CLCN5: variants seen among roughly 807,000 people sequenced by gnomAD.
CLCN5 encodes Cl-/H+ antiporter 5.
A neutral mutation model predicts 54.0 loss-of-function variants in CLCN5; 17 were observed. That is an observed-to-expected ratio of 0.31 (90% CI 0.22 to 0.47). The LOEUF (loss-of-function observed/expected upper bound fraction) is 0.47, where lower values mean the gene tolerates loss of function less well. Ranked by LOEUF, CLCN5 falls within the 20% of genes least tolerant of loss-of-function variation. CLCN5 has a pLI of 1.00. For synonymous variants in CLCN5, 222 were observed against 233.0 expected (o/e 0.95, Z 0.43); for missense variants, 448 against 646.7 (o/e 0.69, Z 3.33).
intron 7 of CLCN5, among the ~76,000 whole-genome samples, chrX:50,079,250 G>C (rs1933573855): frequency 9.0e-6 from 1 of 111,686 alleles, no homozygotes; most frequent in Non-Finnish European, 1.9e-5. Flanking sequence ...TAGCAATCAT[G>C]TGTTCCTCTG....
chrX:49,957,171 G>A (rs1927368746), intron 3 of CLCN5, among the ~76,000 whole-genome samples: 1 of 111,183 alleles, frequency 9.0e-6, no homozygotes, highest in Non-Finnish European at 1.9e-5. Context: ...GTGGTGGCAT[G>A]CTCCTGTAAT....
intron 8 of CLCN5, among the ~76,000 whole-genome samples, chrX:50,081,031 T>G (rs902179363): frequency 1.8e-5 from 2 of 111,553 alleles, no homozygotes; most frequent in Admixed American, 1.9e-4. Context: ...TATTGTCAGC[T>G]TTTTCAGGGC....
intron 6 of CLCN5, among the ~76,000 whole-genome samples, chrX:50,074,981 CAGTCTATT>C (rs1933350972): frequency 8.9e-6 from 1 of 112,073 alleles, no homozygotes; most frequent in African/African-American, 3.2e-5. Flanking sequence ...TTAACCCTAT[CAGTCTATT>C]AGCCACAGTG....
At chrX:49,983,633 A>C (rs1341487184) in intron 3 of CLCN5, among the ~76,000 whole-genome samples, 1 of 107,871 alleles carries the variant, frequency 9.3e-6, no homozygotes, top group African/African-American at 3.3e-5. Context: ...TATATGAGAT[A>C]TATTAAAATA....
intron 3 of CLCN5, among the ~76,000 whole-genome samples, chrX:49,998,188 T>A (rs1038557373): frequency 2.7e-5 from 3 of 111,199 alleles, no homozygotes; most frequent in African/African-American, 9.8e-5. Flanking sequence ...GATGATGAAA[T>A]GCAGGCATAG....
chrX:49,973,772 A>G (rs1557176600), intron 3 of CLCN5, among the ~76,000 whole-genome samples: 2 of 110,371 alleles, frequency 1.8e-5, no homozygotes, highest in African/African-American at 3.3e-5. Context: ...TCAGCCATGC[A>G]TTTTTAACTT....
intron 3 of CLCN5, among the ~76,000 whole-genome samples, chrX:50,032,669 T>A (rs1374203395): frequency 9.1e-6 from 1 of 109,364 alleles, no homozygotes; most frequent in Non-Finnish European, 1.9e-5. Context: ...ATTTTGTAGG[T>A]TGCCTGTTCA....
At chrX:50,033,511 A>T (rs1305926452) in intron 3 of CLCN5, among the ~76,000 whole-genome samples, 4 of 111,757 alleles carry the variant, frequency 3.6e-5, no homozygotes, top group African/African-American at 1.3e-4. Flanking sequence ...GCTCAATGAA[A>T]TAAAAGAGGA....
intron 3 of CLCN5, among the ~76,000 whole-genome samples, chrX:49,937,333 C>T (rs931555538): frequency 5.4e-5 from 6 of 111,889 alleles, no homozygotes; most frequent in Non-Finnish European, 1.1e-4. Context: ...TCACTTGACA[C>T]CTTTCTGTAC....
At chrX:50,048,922 T>C (rs1932483845) in intron 4 of CLCN5, among the ~76,000 whole-genome samples, 1 of 111,295 alleles carries the variant, frequency 9.0e-6, no homozygotes, top group African/African-American at 3.3e-5. Flanking sequence ...CACATATACA[T>C]ATATCTATGA....
chrX:49,978,638 A>G (rs144798650), intron 3 of CLCN5, among the ~76,000 whole-genome samples: 17 of 112,889 alleles, frequency 1.5e-4, no homozygotes, highest in Middle Eastern at 4.6e-3. Flanking sequence ...TTTCTTATAC[A>G]GTTTTGATTT....
intron 6 of CLCN5, among the ~76,000 whole-genome samples, chrX:50,073,976 C>T (rs928299697): frequency 6.3e-5 from 7 of 111,519 alleles, no homozygotes; most frequent in African/African-American, 2.0e-4. Context: ...AGAACATGGT[C>T]TGGCTCTTTG....
At chrX:49,971,720 G>A (rs975290030) in intron 3 of CLCN5, among the ~76,000 whole-genome samples, 1 of 111,882 alleles carries the variant, frequency 8.9e-6, no homozygotes, top group African/African-American at 3.2e-5. Context: ...GTAACCCAGA[G>A]CTGGGGAAAG....
chrX:50,041,576 T>C (rs1932217376), intron 3 of CLCN5, among the ~76,000 whole-genome samples: 1 of 110,382 alleles, frequency 9.1e-6, no homozygotes, highest in African/African-American at 3.3e-5. Flanking sequence ...AATAAGATAA[T>C]TTTTTTTCCC....
chrX:50,046,499 A>G (rs1932401001), intron 4 of CLCN5, among the ~76,000 whole-genome samples: 1 of 111,647 alleles, frequency 9.0e-6, no homozygotes, highest in South Asian at 3.8e-4. Context: ...TTCAAGAAAC[A>G]GAGTCTGTGG....
intron 3 of CLCN5, among the ~76,000 whole-genome samples, chrX:49,934,015 A>C (rs1390011445): frequency 9.0e-6 from 1 of 111,313 alleles, no homozygotes; most frequent in Non-Finnish European, 1.9e-5. Flanking sequence ...CAGCTGTCAC[A>C]TCGTACCCAA....
chrX:50,049,132 C>T (rs1557188055), intron 4 of CLCN5, among the ~76,000 whole-genome samples: 1 of 111,495 alleles, frequency 9.0e-6, no homozygotes, highest in East Asian at 2.8e-4. Context: ...GGTATGTAGT[C>T]ATATGCTACA....
At chrX:50,085,833 A>C (rs1169258932) in intron 9 of CLCN5, 147 bp from the exon 10 acceptor site, 2 of 530,513 alleles carry the variant, frequency 3.8e-6, no homozygotes, top group African/African-American at 4.6e-5. Context: ...TTCAGCATAC[A>C]GTGTTTGAAT....
chrX:49,989,406 C>A (rs1484856022), intron 3 of CLCN5, among the ~76,000 whole-genome samples: 1 of 112,016 alleles, frequency 8.9e-6, no homozygotes, highest in East Asian at 2.8e-4. Flanking sequence ...CCACAAAAAA[C>A]GTATTATATC....
Sources: gnomAD v4.1 joint callset for allele counts (sites outside exome capture counted in the v4.1 genomes callset) on GRCh38, gnomAD v4.1.1 for gene constraint, MANE v1.5 for transcripts, NCBI Gene and HGNC (gene_info 2026-07-23, HGNC 2026-07-21) for gene names.